TRAF3IP2: variants seen among roughly 807,000 people sequenced by gnomAD.
TRAF3IP2 encodes the protein TRAF3 interacting protein 2.
TRAF3IP2 carries 35 observed loss-of-function variants against 57.9 expected under a neutral mutation model. That is an observed-to-expected ratio of 0.60 (90% CI 0.46 to 0.80). The LOEUF (loss-of-function observed/expected upper bound fraction) is 0.80, where lower values mean the gene tolerates loss of function less well. Among genes scored for constraint, TRAF3IP2 ranks in the 30% least tolerant of loss-of-function variants. TRAF3IP2 has a pLI of 0.00. For synonymous variants in TRAF3IP2, 251 were observed against 268.9 expected, an observed-to-expected ratio of 0.93 and a Z score of 0.65; for missense variants, 556 against 706.4, an observed-to-expected ratio of 0.79 and a Z score of 2.41.
intron 1 of TRAF3IP2, among the ~76,000 whole-genome samples, chr6:111,593,013 A>G (rs1427173225): frequency 1.3e-5 from 2 of 152,206 alleles, no homozygotes; most frequent in South Asian, 4.1e-4. Context: ...AAGAACTCTT[A>G]ATTCACCTAA....
intron 2 of TRAF3IP2, among the ~76,000 whole-genome samples, chr6:111,581,638 A>T (rs1043154707): frequency 6.6e-6 from 1 of 152,178 alleles, no homozygotes; most frequent in African/African-American, 2.4e-5. Context: ...CAAAAAAGTG[A>T]CTGATAGGTT....
At chr6:111,562,602 G>A (rs1043649360) in intron 8 of TRAF3IP2, among the ~76,000 whole-genome samples, 13 of 152,120 alleles carry the variant, frequency 8.5e-5, no homozygotes, top group Admixed American at 2.0e-4. Flanking sequence ...CCAGCACTTT[G>A]GGAGGCTGAG....
intron 1 of TRAF3IP2, among the ~76,000 whole-genome samples, chr6:111,605,087 T>TTA (rs1796977509): frequency 6.7e-6 from 1 of 148,448 alleles, no homozygotes; most frequent in Admixed American, 6.7e-5. Flanking sequence ...CCTGTTCCTT[T>TTA]AAAAAAAAAA....
chr6:111,555,613 C>A lies in TRAF3IP2; in HGVS notation c.*3792G>T, dbSNP rs887010479. On this transcript the variant is annotated 3_prime_UTR_variant, in exon 9 of 9. Coordinates refer to ENST00000368761, the MANE Select transcript of TRAF3IP2 (RefSeq NM_147686.4). ...ATCAAATATTAGGTAAGAACCTAAC[C>A]TTGCATTCCACAAACCCACCCCTCA... Among the ~76,000 whole-genome samples, 1 of 152,122 alleles carries A rather than the reference C, an allele frequency of 6.6e-6. No homozygotes were observed. The highest frequency in any genetic ancestry group is 1.5e-5 in the Non-Finnish European group (1 of 68,014).
chr6:111,575,783 G>A lies in TRAF3IP2; in HGVS notation c.1061C>T (p.Ala354Val). ...AGGGCACTCCAAGGACTCCCCAGGA[G>A]CACCAGCTCTATTAGGTGGCTGGTG... ...PHHQPPNRAG[A>V]PGESLECPAE... The change falls in exon 4 of 9, where the codon GCT becomes GTT. Residue 354 changes from alanine (A) to valine (V), a missense_variant. Around this residue, in one of 2 missense-constraint regions of TRAF3IP2, gnomAD observed 428 missense variants for 498.7 expected, o/e 0.86. Transcript: ENST00000368761. 5 of 1,609,758 alleles carry A rather than the reference G, an allele frequency of 3.1e-6. No individual in the cohort carries two copies. Among genetic ancestry groups the A allele is most frequent in the Non-Finnish European group, 4.2e-6 (5 of 1,178,710 alleles).
intron 5 of TRAF3IP2, 76 bp from the exon 6 acceptor site, chr6:111,567,768 A>G (rs1391699709): frequency 2.6e-6 from 3 of 1,162,086 alleles, no homozygotes; most frequent in East Asian, 5.3e-5. Flanking sequence ...AAAACACAAT[A>G]CTATATACAT....
At chr6:111,597,024 G>A (rs1280002297) in intron 1 of TRAF3IP2, among the ~76,000 whole-genome samples, 1 of 152,256 alleles carries the variant, frequency 6.6e-6, no homozygotes, top group African/African-American at 2.4e-5. Flanking sequence ...ATTTCAGAGA[G>A]GGGACAGACA....
intron 1 of TRAF3IP2, among the ~76,000 whole-genome samples, chr6:111,604,703 G>C (rs893828351): frequency 3.9e-5 from 6 of 152,316 alleles, no homozygotes; most frequent in East Asian, 3.9e-4. Context: ...TGACATGGAA[G>C]GGGGGTGAGC....
At chr6:111,564,161 T>TAC (rs1024880937) in intron 7 of TRAF3IP2, among the ~76,000 whole-genome samples, 3 of 149,202 alleles carry the variant, frequency 2.0e-5, no homozygotes, top group African/African-American at 7.6e-5. Flanking sequence ...CATAGTTGCA[T>TAC]ACGCACACAC....
intron 1 of TRAF3IP2, among the ~76,000 whole-genome samples, chr6:111,596,955 A>C (rs1286862422): frequency 1.3e-5 from 2 of 152,202 alleles, no homozygotes; most frequent in African/African-American, 4.8e-5. Flanking sequence ...CTAGAACTGC[A>C]CCTGGCACAT....
chr6:111,563,606 G>T (rs1795526828), intron 7 of TRAF3IP2, among the ~76,000 whole-genome samples: 1 of 152,170 alleles, frequency 6.6e-6, no homozygotes, highest in Admixed American at 6.5e-5. Context: ...ATCAGAGATT[G>T]GAAGGACAGT....
At chr6:111,560,720 A>G (rs767921690) in intron 8 of TRAF3IP2, among the ~76,000 whole-genome samples, 3 of 152,226 alleles carry the variant, frequency 2.0e-5, no homozygotes, top group Non-Finnish European at 2.9e-5. Context: ...GAGATTTAAA[A>G]ATAATAACAA....
At chr6:111,592,504 T>A (rs573771383) in intron 1 of TRAF3IP2, among the ~76,000 whole-genome samples, 11 of 152,312 alleles carry the variant, frequency 7.2e-5, no homozygotes, top group East Asian at 5.8e-4. Flanking sequence ...GAGTTTTTTT[T>A]AAAAGCCAGG....
intron 1 of TRAF3IP2, among the ~76,000 whole-genome samples, chr6:111,599,291 T>C (rs1796790795): frequency 6.6e-6 from 1 of 152,114 alleles, no homozygotes; most frequent in African/African-American, 2.4e-5. Flanking sequence ...ATGGGCATCT[T>C]CCCTCAAATA....
chr6:111,600,495 C>G (rs1796830818), intron 1 of TRAF3IP2: 1 of 152,196 alleles, frequency 6.6e-6, no homozygotes, highest in South Asian at 2.1e-4. Context: ...CCAAATCAAG[C>G]CTTTAGATCT....
At chr6:111,574,450 T>C (rs1407851856) in intron 4 of TRAF3IP2, among the ~76,000 whole-genome samples, 1 of 152,262 alleles carries the variant, frequency 6.6e-6, no homozygotes. Flanking sequence ...TGAGAACATT[T>C]TGGTGATATT....
At chr6:111,603,206 C>T (rs547397982) in intron 1 of TRAF3IP2, among the ~76,000 whole-genome samples, 2 of 152,218 alleles carry the variant, frequency 1.3e-5, no homozygotes, top group Non-Finnish European at 1.5e-5. Context: ...AGGCAAAGAC[C>T]ATAAGTGGGA....
At chr6:111,574,559 T>C (rs540755770) in intron 4 of TRAF3IP2, 1 of 152,360 alleles carries the variant, frequency 6.6e-6, no homozygotes, top group South Asian at 2.1e-4. Flanking sequence ...TTGCATTTGG[T>C]TGTGATGCAG....
At chr6:111,582,577 G>A (rs1328341881) in intron 2 of TRAF3IP2, among the ~76,000 whole-genome samples, 1 of 152,068 alleles carries the variant, frequency 6.6e-6, no homozygotes, top group African/African-American at 2.4e-5. Flanking sequence ...ATTCCAGGGG[G>A]TCCAGATCAC....
Sources: gnomAD v4.1 joint callset for allele counts (sites outside exome capture counted in the v4.1 genomes callset) on GRCh38, gnomAD v4.1.1 for gene constraint, gnomAD v4.1.1 regional missense constraint, MANE v1.5 for transcripts, NCBI Gene and HGNC (gene_info 2026-07-23, HGNC 2026-07-21) for gene names.